The following PLPPR4 variants were observed in gnomAD, a reference collection of about 807,000 sequenced individuals.
PLPPR4 encodes phospholipid phosphatase-related protein type 4.
Under a neutral mutation model 56.6 loss-of-function variants are expected in PLPPR4, and 24 were observed. The ratio of observed to expected loss-of-function variants is 0.42; its 90% CI spans 0.31 to 0.60. The LOEUF is 0.60. Ranked by LOEUF, PLPPR4 falls within the 20% of genes least tolerant of loss-of-function variation. The probability of loss-of-function intolerance (pLI) is 0.13; values close to 1 mark genes in which losing one functional copy is unlikely to be tolerated. For missense variants in PLPPR4, 654 were observed against 885.8 expected (o/e 0.74, Z 3.32); for synonymous variants, 326 against 328.1 (o/e 0.99, Z 0.07).
At chr1:99,267,738 G>T (rs189241343) in intron 1 of PLPPR4, among the ~76,000 whole-genome samples, 21 of 152,282 alleles carry the variant, frequency 1.4e-4, no homozygotes, top group African/African-American at 5.1e-4. Context: ...TTGTTGAGAA[G>T]AAGTCATCTT....
At chr1:99,298,995 A>G (rs768178786) in intron 3 of PLPPR4, 40 bp from the exon 4 acceptor site, 2 of 1,414,312 alleles carry the variant, frequency 1.4e-6, no homozygotes, top group East Asian at 2.3e-5. Context: ...TGCTGACACA[A>G]CCACCAACTT....
intron 1 of PLPPR4, among the ~76,000 whole-genome samples, chr1:99,286,870 T>C (rs983803989): frequency 6.6e-5 from 10 of 152,236 alleles, no homozygotes; most frequent in African/African-American, 2.4e-4. Context: ...TGGGAACCAC[T>C]AGACTGATGC....
intron 1 of PLPPR4, among the ~76,000 whole-genome samples, chr1:99,285,852 G>A (rs1200810255): frequency 2.0e-5 from 3 of 152,158 alleles, no homozygotes; most frequent in Non-Finnish European, 4.4e-5. Context: ...TTCTTTGAGT[G>A]TTATGTAAGT....
intron 6 of PLPPR4, among the ~76,000 whole-genome samples, chr1:99,302,386 G>A (rs912378049): frequency 5.3e-5 from 8 of 152,136 alleles, no homozygotes; most frequent in Admixed American, 3.3e-4. Context: ...AGGAAACTGA[G>A]ATTGTCCATT....
At chr1:99,288,637 C>T (rs1047966789) in intron 2 of PLPPR4, among the ~76,000 whole-genome samples, 4 of 151,898 alleles carry the variant, frequency 2.6e-5, no homozygotes, top group African/African-American at 9.7e-5. Flanking sequence ...AAACTCATTC[C>T]AGCCATGCAT....
chr1:99,296,578 T>A (rs1405716801), intron 2 of PLPPR4, among the ~76,000 whole-genome samples, 160 bp from the exon 3 acceptor site: 2 of 152,190 alleles, frequency 1.3e-5, no homozygotes, highest in Non-Finnish European at 2.9e-5. Flanking sequence ...CTTGATCAAA[T>A]TCTCAGAAGA....
intron 1 of PLPPR4, among the ~76,000 whole-genome samples, chr1:99,270,238 C>G (rs1659021560): frequency 6.6e-6 from 1 of 152,106 alleles, no homozygotes; most frequent in Non-Finnish European, 1.5e-5. Flanking sequence ...GTTGCCCAAG[C>G]TGGTCTCGAA....
At chr1:99,274,694 T>G (rs72736375) in intron 1 of PLPPR4, among the ~76,000 whole-genome samples, 7,423 of 152,088 alleles carry the variant, frequency 0.049, 205 homozygotes, top group Non-Finnish European at 0.057. Flanking sequence ...ACCTAGTCAG[T>G]GGAGGGGAAT....
upstream of PLPPR4, chr1:99,263,835 T>G (rs1293383539): frequency 6.6e-6 from 1 of 152,276 alleles, no homozygotes; most frequent in African/African-American, 2.4e-5. Flanking sequence ...CATTCACACA[T>G]CTGCCTCTCT....
rs1167772148 is a variant in PLPPR4 at position 99,301,894 on chromosome 1, C to T, written c.819C>T (p.Tyr273=). ...GFLIGGGIAL[Y]LGLYAVGNFL... ...TAATAGGAGGAGGAATTGCACTGTA[C>T]TTGGTAAATAAGTTACTATTATCTT... The change falls in exon 6 of 7, where the codon TAC becomes TAT. Residue 273 remains tyrosine (Y), a synonymous_variant. Transcript: ENST00000370185. 13 of 1,594,496 alleles carry T rather than the reference C, an allele frequency of 8.2e-6. No individual in the cohort carries two copies. Among genetic ancestry groups the T allele is most frequent in the African/African-American group, 2.7e-5 (2 of 74,234 alleles).
chr1:99,305,591 A>G, intron 6 of PLPPR4, 94 bp from the exon 7 acceptor site: 1 of 1,195,928 alleles, frequency 8.4e-7, no homozygotes, highest in Non-Finnish European at 1.2e-6. Context: ...TATAGGAAGC[A>G]TATACCTATG....
chr1:99,278,842 AT>A (rs5776463), intron 1 of PLPPR4, among the ~76,000 whole-genome samples: 13,233 of 152,132 alleles, frequency 0.087, 1,042 homozygotes, highest in African/African-American at 0.2. Context: ...CATAGAACAG[AT>A]TTTTTTCCCA....
At chr1:99,296,645 A>T (rs1203988956) in intron 2 of PLPPR4, 93 bp from the exon 3 acceptor site, 3 of 1,001,254 alleles carry the variant, frequency 3.0e-6, no homozygotes, top group Admixed American at 2.8e-5. Context: ...TATTGAATTG[A>T]TATGTTAAAA....
upstream of PLPPR4, chr1:99,264,180 C>A: frequency 5.9e-6 from 3 of 504,986 alleles, no homozygotes; most frequent in South Asian, 3.1e-5. Context: ...CTCAGCCTAA[C>A]TACTGCAGAA....
chr1:99,296,124 C>T (rs1391453121), intron 2 of PLPPR4, among the ~76,000 whole-genome samples: 1 of 152,120 alleles, frequency 6.6e-6, no homozygotes, highest in Non-Finnish European at 1.5e-5. Flanking sequence ...GTTTAGATGT[C>T]TATATCTAGG....
chr1:99,300,832 C>T (rs1004018630), intron 4 of PLPPR4, 77 bp from the exon 5 acceptor site: 2 of 1,068,592 alleles, frequency 1.9e-6, no homozygotes, highest in South Asian at 2.6e-5. Context: ...AACATTTTAA[C>T]CACTCAGTGT....
chr1:99,279,209 G>A (rs1570910477), intron 1 of PLPPR4, among the ~76,000 whole-genome samples: 1 of 152,210 alleles, frequency 6.6e-6, no homozygotes, highest in African/African-American at 2.4e-5. Context: ...AGAATGTAAA[G>A]GAACAACTGC....
At chr1:99,300,766 C>A (rs1003867210) in intron 4 of PLPPR4, 143 bp from the exon 5 acceptor site, 8 of 648,192 alleles carry the variant, frequency 1.2e-5, no homozygotes, top group South Asian at 3.7e-5. Context: ...GGTCTTTCAC[C>A]AGAAAGCTGG....
intron 6 of PLPPR4, among the ~76,000 whole-genome samples, chr1:99,304,487 T>C (rs564705053): frequency 1.3e-5 from 2 of 152,334 alleles, no homozygotes; most frequent in African/African-American, 4.8e-5. Flanking sequence ...TATAGTTTAG[T>C]GGAGGATCTT....
Sources: allele counts gnomAD v4.1 joint callset (sites outside exome capture counted in the v4.1 genomes callset), GRCh38; gene constraint gnomAD v4.1.1; transcripts MANE v1.5; gene names NCBI Gene and HGNC (gene_info 2026-07-23, HGNC 2026-07-21).